Variants in PSEN2 observed in about 807,000 individuals in gnomAD.
PSEN2 encodes presenilin 2.
In PSEN2, 32 loss-of-function variants were observed where a neutral mutation model predicts 49.1. That is an observed-to-expected ratio of 0.65 (90% CI 0.49 to 0.88). The LOEUF (loss-of-function observed/expected upper bound fraction) is 0.88. Among genes scored for constraint, PSEN2 ranks in the 40% least tolerant of loss-of-function variants. The pLI is 0.00. For synonymous variants in PSEN2, 255 were observed against 244.0 expected, an observed-to-expected ratio of 1.05 and a Z score of -0.42; for missense variants, 522 against 586.9, an observed-to-expected ratio of 0.89 and a Z score of 1.14.
chr1:226,900,939 T>A (rs924621181), downstream of PSEN2, among the ~76,000 whole-genome samples: 1 of 152,180 alleles, frequency 6.6e-6, no homozygotes, highest in African/African-American at 2.4e-5. Flanking sequence ...AGGTAACTAC[T>A]ATTCTAATTT....
chr1:226,872,160 G>T (rs995629038), intron 2 of PSEN2, among the ~76,000 whole-genome samples: 21 of 152,202 alleles, frequency 1.4e-4, no homozygotes, highest in Non-Finnish European at 3.1e-4. Context: ...GGTGCCTGGA[G>T]CTGTGGTGCA....
chr1:226,871,961 G>T (rs1218663335), intron 2 of PSEN2, among the ~76,000 whole-genome samples: 1 of 152,244 alleles, frequency 6.6e-6, no homozygotes, highest in Admixed American at 6.5e-5. Flanking sequence ...GGGCTTGGGG[G>T]CATGTTGCTT....
rs143059995 is a variant in PSEN2, at chr1:226,895,699, G to T, written c.*120G>T. On this transcript the variant is annotated 3_prime_UTR_variant, in exon 13 of 13. Coordinates refer to ENST00000366783, the MANE Select transcript of PSEN2 (RefSeq NM_000447.3). ...TTTCTTTCCTTAAAAAATAAAGTACGTGTTTACTTGGTGAGGAGGAGGCAG... is the reference window on the plus strand; with the variant it reads ...TTTCTTTCCTTAAAAAATAAAGTACTTGTTTACTTGGTGAGGAGGAGGCAG... 9 of 1,258,786 alleles carry T rather than the reference G, an allele frequency of 7.1e-6. No individual in the cohort carries two copies. Among genetic ancestry groups the T allele is most frequent in the Non-Finnish European group, 9.9e-6 (9 of 906,152 alleles). The allele number at this position is 1,258,786 out of a possible 1,614,324, so 78.0% of individuals were successfully genotyped here.
intron 12 of PSEN2, 142 bp from the exon 13 acceptor site, chr1:226,895,282 A>T: frequency 1.1e-6 from 1 of 909,274 alleles, no homozygotes. Flanking sequence ...CTGTTGCAGG[A>T]CCAGGGAAGA....
At chr1:226,883,605 A>G in intron 4 of PSEN2, 100 bp from the exon 5 acceptor site, 1 of 1,132,840 alleles carries the variant, frequency 8.8e-7, no homozygotes, top group South Asian at 1.3e-5. Flanking sequence ...CTGGAAAGCA[A>G]CATTCAAACT....
downstream of PSEN2, among the ~76,000 whole-genome samples, chr1:226,900,354 G>A (rs1342609316): frequency 6.6e-6 from 1 of 152,194 alleles, no homozygotes; most frequent in Non-Finnish European, 1.5e-5. Context: ...GCAGATCCAT[G>A]TGCACCCCCC....
chr1:226,881,753 G>A, intron 3 of PSEN2, 135 bp from the exon 4 acceptor site: 1 of 939,270 alleles, frequency 1.1e-6, no homozygotes, highest in Non-Finnish European at 1.7e-6. Flanking sequence ...TCGTTTGATT[G>A]ACAGGCATCT....
At chr1:226,900,663 T>C (rs962579958), downstream of PSEN2, among the ~76,000 whole-genome samples, 1 of 152,116 alleles carries the variant, frequency 6.6e-6, no homozygotes, top group African/African-American at 2.4e-5. Context: ...GCCAGAAAGC[T>C]GTGGGGAAGC....
At chr1:226,889,986 C>G (rs374649333) in intron 8 of PSEN2, 49 bp from the exon 9 acceptor site, 2 of 1,487,814 alleles carry the variant, frequency 1.3e-6, no homozygotes, top group Non-Finnish European at 1.9e-6. Context: ...GGCTCTTCTT[C>G]AGGGGGCTGC....
Position 226,895,703 on chromosome 1 carries a change from T to G in PSEN2, c.*124T>G. On this transcript the variant is annotated 3_prime_UTR_variant, in exon 13 of 13. Coordinates refer to ENST00000366783, the MANE Select transcript of PSEN2 (RefSeq NM_000447.3). ...TTTCCTTAAAAAATAAAGTACGTGT[T>G]TACTTGGTGAGGAGGAGGCAGAACC... 8.1e-7 allele frequency: 1 copy of G among 1,239,368 alleles called. No individual in the cohort carries two copies. The highest frequency in any genetic ancestry group is 1.1e-6 in the Non-Finnish European group (1 of 890,790). 76.8% of individuals were successfully genotyped at this position (1,239,368 alleles called of 1,614,324 possible). A position where few individuals can be genotyped will look rare whatever the true frequency, so the allele number is the denominator to read the frequency against.
intron 2 of PSEN2, among the ~76,000 whole-genome samples, chr1:226,874,756 T>G (rs959562547): frequency 1.3e-5 from 2 of 152,230 alleles, no homozygotes; most frequent in African/African-American, 4.8e-5. Flanking sequence ...CCTGTTCTGC[T>G]TTTTACAGCA....
At chr1:226,888,215 G>T in intron 7 of PSEN2, 57 bp downstream of exon 7, 1 of 1,441,094 alleles carries the variant, frequency 6.9e-7, no homozygotes, top group South Asian at 1.1e-5. Flanking sequence ...TGGCACAAGT[G>T]GACATGGGCA....
intron 10 of PSEN2, among the ~76,000 whole-genome samples, 171 bp from the exon 11 acceptor site, chr1:226,891,571 GC>G (rs953492699): frequency 9.9e-5 from 15 of 152,188 alleles, no homozygotes; most frequent in African/African-American, 3.6e-4. Context: ...GCATCGTTCT[GC>G]TGGGCGTGGG....
At chr1:226,900,013 G>A (rs544380556), downstream of PSEN2, among the ~76,000 whole-genome samples, 1 of 152,326 alleles carries the variant, frequency 6.6e-6, no homozygotes, top group Admixed American at 6.5e-5. Context: ...ACCTAAACAA[G>A]ATAAGGGATA....
chr1:226,893,857 C>G, intron 11 of PSEN2, 150 bp from the exon 12 acceptor site: 1 of 710,328 alleles, frequency 1.4e-6, no homozygotes, highest in Non-Finnish European at 2.6e-6. Flanking sequence ...GGCAGCTGTC[C>G]ATGTCCCCAG....
chr1:226,874,178 A>G (rs1354700792), intron 2 of PSEN2, among the ~76,000 whole-genome samples: 2 of 152,098 alleles, frequency 1.3e-5, no homozygotes, highest in African/African-American at 4.8e-5. Context: ...GTGTCTTGTG[A>G]GTGTGCTCCC....
intron 12 of PSEN2, among the ~76,000 whole-genome samples, chr1:226,903,165 C>T (rs1302527295): frequency 2.6e-5 from 4 of 152,024 alleles, no homozygotes; most frequent in South Asian, 2.1e-4. Context: ...TGGGTGGTCT[C>T]GATTTTGAAA....
chr1:226,884,431 T>G (rs934348898), intron 5 of PSEN2, among the ~76,000 whole-genome samples: 2 of 152,222 alleles, frequency 1.3e-5, no homozygotes, highest in African/African-American at 4.8e-5. Flanking sequence ...CTTTCGTTTA[T>G]TTTAGTAAAA....
At chr1:226,881,505 G>A (rs1426945166) in intron 3 of PSEN2, among the ~76,000 whole-genome samples, 1 of 152,178 alleles carries the variant, frequency 6.6e-6, no homozygotes, top group Non-Finnish European at 1.5e-5. Context: ...TTTGTTTTAA[G>A]ACAAGGGTGT....
Sources: gnomAD v4.1 joint callset for allele counts (sites outside exome capture counted in the v4.1 genomes callset) on GRCh38, gnomAD v4.1.1 for gene constraint, MANE v1.5 for transcripts, NCBI Gene and HGNC (gene_info 2026-07-23, HGNC 2026-07-21) for gene names.